Variants in GRIK3 observed in about 807,000 individuals in gnomAD.
GRIK3 encodes the protein glutamate receptor ionotropic, kainate 3.
A neutral mutation model predicts 102.5 loss-of-function variants in GRIK3; 29 were observed. The observed-to-expected ratio is 0.28, with a 90% CI of 0.21 to 0.39. The LOEUF (loss-of-function observed/expected upper bound fraction) is 0.39, where lower values mean the gene tolerates loss of function less well. Among genes scored for constraint, GRIK3 ranks in the 10% least tolerant of loss-of-function variants. GRIK3 has a pLI of 1.00. For synonymous variants in GRIK3, 511 were observed against 504.9 expected (o/e 1.01, Z -0.16); for missense variants, 908 against 1,252.4 (o/e 0.73, Z 4.15).
chr1:37,003,916 T>C (rs1642505260), intron 1 of GRIK3, among the ~76,000 whole-genome samples: 1 of 152,020 alleles, frequency 6.6e-6, no homozygotes, highest in Non-Finnish European at 1.5e-5. Context: ...GCTGCCCCAC[T>C]GCAGAAAGAA....
intron 10 of GRIK3, among the ~76,000 whole-genome samples, chr1:36,838,517 G>A (rs1321597172): frequency 1.3e-5 from 2 of 152,164 alleles, no homozygotes; most frequent in Non-Finnish European, 2.9e-5. Flanking sequence ...CTTGCGGCAG[G>A]CGAGTGTGTC....
intron 5 of GRIK3, among the ~76,000 whole-genome samples, chr1:36,868,440 AG>A (rs1306229088): frequency 1.3e-5 from 2 of 152,134 alleles, no homozygotes; most frequent in Non-Finnish European, 2.9e-5. Context: ...GGAGAATCGC[AG>A]GGTGGCTCCT....
chr1:36,938,650 A>AC (rs918487872), intron 1 of GRIK3, among the ~76,000 whole-genome samples: 12 of 151,252 alleles, frequency 7.9e-5, no homozygotes, highest in Non-Finnish European at 1.8e-4. Flanking sequence ...TGTTTGTGTC[A>AC]CCCCCCAGCC....
intron 1 of GRIK3, among the ~76,000 whole-genome samples, chr1:36,908,842 G>A (rs1358513577): frequency 3.3e-5 from 5 of 151,832 alleles, no homozygotes; most frequent in East Asian, 1.9e-4. Flanking sequence ...CCCAGAAGAC[G>A]TGAGCAGGGG....
intron 5 of GRIK3, among the ~76,000 whole-genome samples, chr1:36,864,852 T>C (rs1481259092): frequency 6.7e-6 from 1 of 150,348 alleles, no homozygotes; most frequent in Non-Finnish European, 1.5e-5. Context: ...TTTTTTTTTT[T>C]TTTTTAATTC....
chr1:36,846,877 C>G (rs1390155886), intron 9 of GRIK3, among the ~76,000 whole-genome samples: 1 of 152,218 alleles, frequency 6.6e-6, no homozygotes, highest in African/African-American at 2.4e-5. Context: ...TCCAAGGACA[C>G]TTCTGGCTAG....
chr1:36,936,696 A>T (rs1641660995), intron 1 of GRIK3, among the ~76,000 whole-genome samples: 1 of 152,066 alleles, frequency 6.6e-6, no homozygotes, highest in Non-Finnish European at 1.5e-5. Context: ...TCCCACGGGG[A>T]TGTAAGCTTC....
chr1:36,890,826 G>T, intron 2 of GRIK3, 94 bp downstream of exon 2: 1 of 981,936 alleles, frequency 1.0e-6, no homozygotes, highest in Admixed American at 2.4e-5. Flanking sequence ...AACCTACTTG[G>T]AGCTCTGGCC....
At chr1:36,936,423 C>A (rs893508911) in intron 1 of GRIK3, among the ~76,000 whole-genome samples, 6 of 152,188 alleles carry the variant, frequency 3.9e-5, no homozygotes, top group African/African-American at 1.4e-4. Context: ...AGGTTCAATT[C>A]TTGAAAGGTT....
At chr1:36,811,311 CAG>C (rs935889066) in intron 13 of GRIK3, among the ~76,000 whole-genome samples, 1 of 152,116 alleles carries the variant, frequency 6.6e-6, no homozygotes, top group African/African-American at 2.4e-5. Context: ...CAAATGCTGA[CAG>C]GGTCCAGGCA....
intron 1 of GRIK3, among the ~76,000 whole-genome samples, chr1:36,976,374 T>C (rs573275581): frequency 2.4e-4 from 37 of 152,094 alleles, no homozygotes; most frequent in African/African-American, 4.3e-4. Flanking sequence ...GCATTTTTTT[T>C]CGGGGGAAAA....
At chr1:36,818,444 A>C (rs997828831) in intron 12 of GRIK3, among the ~76,000 whole-genome samples, 1 of 152,178 alleles carries the variant, frequency 6.6e-6, no homozygotes, top group African/African-American at 2.4e-5. Flanking sequence ...TCCCCTCCCC[A>C]ACTGGCCACT....
chr1:36,929,280 A>G (rs1385168607), intron 1 of GRIK3, among the ~76,000 whole-genome samples: 1 of 152,174 alleles, frequency 6.6e-6, no homozygotes, highest in East Asian at 1.9e-4. Context: ...CCAGGAGTAT[A>G]GGAGTGAATC....
chr1:36,968,219 CCGTGTG>C (rs750860563), intron 1 of GRIK3, among the ~76,000 whole-genome samples: 75 of 127,382 alleles, frequency 5.9e-4, no homozygotes, highest in Admixed American at 1.7e-3. Flanking sequence ...CTCTCTCTCT[CCGTGTG>C]TGTGTGTGTG....
At chr1:36,975,684 A>G (rs1009434616) in intron 1 of GRIK3, among the ~76,000 whole-genome samples, 5 of 152,166 alleles carry the variant, frequency 3.3e-5, no homozygotes, top group Non-Finnish European at 7.4e-5. Context: ...AATTTAAACT[A>G]TCGGTTTTGG....
At chr1:36,840,439 A>T (rs939233739) in intron 10 of GRIK3, among the ~76,000 whole-genome samples, 1 of 150,574 alleles carries the variant, frequency 6.6e-6, no homozygotes, top group Non-Finnish European at 1.5e-5. Context: ...TAGGCAGGGC[A>T]TGGTGGCTCA....
chr1:36,998,710 T>C (rs952517708), intron 1 of GRIK3, among the ~76,000 whole-genome samples: 2 of 152,156 alleles, frequency 1.3e-5, no homozygotes, highest in African/African-American at 4.8e-5. Context: ...AGAAGCCCCC[T>C]TTACTTCACT....
intron 10 of GRIK3, among the ~76,000 whole-genome samples, chr1:36,837,508 A>T (rs1160088381): frequency 6.6e-6 from 1 of 151,492 alleles, no homozygotes; most frequent in Non-Finnish European, 1.5e-5. Flanking sequence ...CTAGAGCAGC[A>T]CTCGCCCTGT....
rs764094949 is a variant in GRIK3 at position 36,986,640 on chromosome 1, T to G, written c.115+47354A>C. Among the ~76,000 whole-genome samples, 17 of 152,138 alleles carry G rather than the reference T, an allele frequency of 1.1e-4. 1 individual carries two copies. The South Asian group carries it at 3.3e-3, about 30-fold the overall frequency. On this transcript the variant is annotated intron_variant, in intron 1 of 15. Coordinates refer to ENST00000373091, the MANE Select transcript of GRIK3 (RefSeq NM_000831.4). Reference sequence around the variant, plus strand: ...TCAGAGAGATATGAAGGAAGAGAAGTGACAAGGCAGTGTGATAAGTGCAGT... The same window carrying G: ...TCAGAGAGATATGAAGGAAGAGAAGGGACAAGGCAGTGTGATAAGTGCAGT...
Sources: allele counts gnomAD v4.1 joint callset (sites outside exome capture counted in the v4.1 genomes callset), GRCh38; gene constraint gnomAD v4.1.1; transcripts MANE v1.5; gene names NCBI Gene and HGNC (gene_info 2026-07-23, HGNC 2026-07-21).